The following SLC22A3 variants were observed in gnomAD, a reference collection of about 807,000 sequenced individuals.
SLC22A3 encodes the protein solute carrier family 22 member 3, also known as EMT organic cation transporter 3.
In SLC22A3, 51 loss-of-function variants were observed where a neutral mutation model predicts 59.1. The observed-to-expected ratio is 0.86, with a 90% CI of 0.69 to 1.09. The LOEUF is 1.09. SLC22A3 is among the 50% of genes least tolerant of loss of function. SLC22A3 has a pLI of 0.00. For missense variants in SLC22A3, 711 were observed against 726.3 expected, an observed-to-expected ratio of 0.98 and a Z score of 0.24; for synonymous variants, 325 against 292.0, an observed-to-expected ratio of 1.11 and a Z score of -1.15.
At chr6:160,352,606 C>T (rs1239971970) in intron 1 of SLC22A3, among the ~76,000 whole-genome samples, 2 of 152,134 alleles carry the variant, frequency 1.3e-5, no homozygotes, top group African/African-American at 4.8e-5. Flanking sequence ...TTTTCCTTTC[C>T]AGATCATTTT....
chr6:160,412,805 G>A (rs983093752), intron 5 of SLC22A3, among the ~76,000 whole-genome samples: 5 of 151,990 alleles, frequency 3.3e-5, no homozygotes, highest in Non-Finnish European at 7.3e-5. Context: ...TGCACACATA[G>A]TCCAGAGGTA....
intron 2 of SLC22A3, among the ~76,000 whole-genome samples, chr6:160,404,377 T>C (rs887801031): frequency 6.6e-6 from 1 of 152,096 alleles, no homozygotes; most frequent in Admixed American, 6.6e-5. Flanking sequence ...TAGATATAAA[T>C]CTAACAACAT....
intron 1 of SLC22A3, among the ~76,000 whole-genome samples, chr6:160,385,759 T>C (rs1785982633): frequency 6.6e-6 from 1 of 152,216 alleles, no homozygotes; most frequent in African/African-American, 2.4e-5. Flanking sequence ...GCAGGCTCTC[T>C]TGCCTGGGAC....
At chr6:160,386,113 A>C (rs1424742258) in intron 1 of SLC22A3, among the ~76,000 whole-genome samples, 1 of 152,166 alleles carries the variant, frequency 6.6e-6, no homozygotes, top group Non-Finnish European at 1.5e-5. Flanking sequence ...CACCTTGAGC[A>C]CCTTGAGCAC....
chr6:160,413,393 A>G (rs894049212), intron 5 of SLC22A3, among the ~76,000 whole-genome samples: 2 of 152,214 alleles, frequency 1.3e-5, no homozygotes, highest in South Asian at 2.1e-4. Flanking sequence ...AAATTTCCAA[A>G]CATACTCAAA....
At chr6:160,372,849 G>A (rs1260303172) in intron 1 of SLC22A3, among the ~76,000 whole-genome samples, 1 of 152,020 alleles carries the variant, frequency 6.6e-6, no homozygotes, top group Non-Finnish European at 1.5e-5. Context: ...AGCTCCATCA[G>A]GTCATTTATG....
intron 1 of SLC22A3, among the ~76,000 whole-genome samples, chr6:160,355,773 AAACAACAAC>A (rs572407293): frequency 0.011 from 1,732 of 151,404 alleles, 11 homozygotes; most frequent in Non-Finnish European, 0.018. Flanking sequence ...CTCTGTCTCA[AAACAACAAC>A]AACAACAACA....
chr6:160,375,226 C>T (rs1213978992), intron 1 of SLC22A3, among the ~76,000 whole-genome samples: 2 of 152,150 alleles, frequency 1.3e-5, no homozygotes, highest in Admixed American at 1.3e-4. Flanking sequence ...CAACCAGGAC[C>T]CTTGCCTTCC....
intron 1 of SLC22A3, among the ~76,000 whole-genome samples, chr6:160,350,110 C>T (rs771247929): frequency 2.0e-5 from 3 of 151,612 alleles, no homozygotes; most frequent in Non-Finnish European, 2.9e-5. Context: ...AAACCCATGG[C>T]AGGACAGCCA....
chr6:160,372,558 G>A (rs960130240), intron 1 of SLC22A3, among the ~76,000 whole-genome samples: 4 of 152,080 alleles, frequency 2.6e-5, no homozygotes, highest in African/African-American at 9.7e-5. Context: ...CTGGGTTGGG[G>A]AAGTTCTCCT....
intron 1 of SLC22A3, chr6:160,349,157 G>C (rs1421267601): frequency 2.5e-6 from 2 of 797,136 alleles, no homozygotes; most frequent in Non-Finnish European, 3.0e-6. Flanking sequence ...AGGAGTCAAA[G>C]ACCCAGCACC....
intron 1 of SLC22A3, among the ~76,000 whole-genome samples, chr6:160,374,641 G>A (rs1047628692): frequency 6.6e-6 from 1 of 152,320 alleles, no homozygotes; most frequent in South Asian, 2.1e-4. Flanking sequence ...TACCCAGCGT[G>A]TGTGGAGAGG....
chr6:160,448,015 C>G (rs1788811976), intron 10 of SLC22A3, among the ~76,000 whole-genome samples, 197 bp downstream of exon 10: 1 of 151,874 alleles, frequency 6.6e-6, no homozygotes, highest in Non-Finnish European at 1.5e-5. Flanking sequence ...TAAGAGTATG[C>G]ATTGTTTTTT....
chr6:160,404,275 A>G (rs1002821125), intron 2 of SLC22A3, among the ~76,000 whole-genome samples: 2 of 152,096 alleles, frequency 1.3e-5, no homozygotes, highest in Non-Finnish European at 2.9e-5. Flanking sequence ...ACAAAAGTCA[A>G]CTGCTTTCCT....
At position 160,348,629 on chromosome 6, in the gene SLC22A3, G is replaced by GT; in HGVS notation, c.211dup (p.Trp71LeufsTer36). On this transcript the variant is annotated frameshift_variant, in exon 1 of 11. Transcript: ENST00000275300. LOFTEE classifies it high-confidence loss of function. ...GCTGCGGCTGGAGCCCGGAGGAGGA[G>GT]TGGAACCGCACGGCGCCCGCCTCCC... is the stretch of plus-strand genomic sequence containing the variant. 6.6e-7 allele frequency: 1 copy of GT among 1,506,616 alleles called. No individual in the cohort carries two copies. Among genetic ancestry groups the GT allele is most frequent in the South Asian group, 1.2e-5 (1 of 81,150 alleles). The allele number at this position is 1,506,616 out of a possible 1,614,324, so 93.3% of individuals were successfully genotyped here. A position where few individuals can be genotyped will look rare whatever the true frequency, so the allele number is the denominator to read the frequency against.
intron 1 of SLC22A3, among the ~76,000 whole-genome samples, chr6:160,396,284 A>C (rs901417511): frequency 9.9e-5 from 15 of 152,242 alleles, no homozygotes; most frequent in African/African-American, 2.9e-4. Context: ...AACTTTCTTA[A>C]TGTAAGACTA....
At chr6:160,374,163 T>G (rs766263751) in intron 1 of SLC22A3, among the ~76,000 whole-genome samples, 5 of 152,228 alleles carry the variant, frequency 3.3e-5, no homozygotes, top group Non-Finnish European at 5.9e-5. Flanking sequence ...TCTCCTGATC[T>G]GCACGTTGTG....
intron 1 of SLC22A3, among the ~76,000 whole-genome samples, chr6:160,366,199 G>A (rs1342024197): frequency 6.6e-6 from 1 of 152,114 alleles, no homozygotes; most frequent in African/African-American, 2.4e-5. Flanking sequence ...TAACTAAAAA[G>A]TCCAAGTCCA....
intron 1 of SLC22A3, among the ~76,000 whole-genome samples, chr6:160,371,886 GT>G (rs1307353111): frequency 6.6e-6 from 1 of 152,122 alleles, no homozygotes; most frequent in Admixed American, 6.5e-5. Flanking sequence ...GCTTGATATG[GT>G]ATCTCATTGT....
Sources: allele counts gnomAD v4.1 joint callset (sites outside exome capture counted in the v4.1 genomes callset), GRCh38; gene constraint gnomAD v4.1.1; transcripts MANE v1.5; gene names NCBI Gene and HGNC (gene_info 2026-07-23, HGNC 2026-07-21).